The following SLC9A6 variants were observed in gnomAD, a reference collection of about 807,000 sequenced individuals.
SLC9A6 encodes sodium/hydrogen exchanger 6.
SLC9A6 carries 6 observed loss-of-function variants against 45.3 expected under a neutral mutation model. The ratio of observed to expected loss-of-function variants is 0.13; its 90% CI spans 0.07 to 0.26. SLC9A6 has a LOEUF of 0.26. Ranked by LOEUF, SLC9A6 falls within the 10% of genes least tolerant of loss-of-function variation. The pLI is 1.00. For synonymous variants in SLC9A6, 191 were observed against 187.7 expected, an observed-to-expected ratio of 1.02 and a Z score of -0.14; for missense variants, 278 against 503.7, an observed-to-expected ratio of 0.55 and a Z score of 4.29.
intron 15 of SLC9A6, chrX:136,033,177 T>A (rs2071357330): frequency 4.1e-6 from 1 of 243,677 alleles, no homozygotes; most frequent in Non-Finnish European, 7.6e-6. Flanking sequence ...ATTGATTTTT[T>A]AAGTGAGAGT....
chrX:135,999,065 A>G, intron 6 of SLC9A6, 97 bp downstream of exon 6: 1 of 584,239 alleles, frequency 1.7e-6, no homozygotes, highest in Non-Finnish European at 3.0e-6. Context: ...AGAATTCATG[A>G]TTAGATACTT....
At chrX:135,997,398 C>CTT (rs1180028983) in intron 3 of SLC9A6, among the ~76,000 whole-genome samples, 77 of 63,295 alleles carry the variant, frequency 1.2e-3, no homozygotes, top group Non-Finnish European at 1.7e-3. Context: ...CATGCTTTCT[C>CTT]TTTTTTTTTT....
chrX:136,024,494 A>G lies in SLC9A6; in HGVS notation c.1460+11A>G. 2.5e-6 allele frequency: 3 copies of G among 1,186,983 alleles called. No homozygotes were observed. The African/African-American group carries it at 5.2e-5, about 21-fold the overall frequency. On this transcript the variant is annotated intron_variant, in intron 13 of 17. Transcript: ENST00000630721. ...ATGCTTGCATATCAGGTAAGTACTA[A>G]CTAGAGACCTCATTTTAAGATTAAA... is the stretch of plus-strand genomic sequence containing the variant.
Position 136,017,995 on chromosome X carries a change from C to T in SLC9A6, c.1194+1237C>T, listed in dbSNP as rs1049694852. Among the ~76,000 whole-genome samples, 8 of 111,737 alleles carry T rather than the reference C, an allele frequency of 7.2e-5. 1 individual carries two copies. Among genetic ancestry groups the T allele is most frequent in the Non-Finnish European group, 1.3e-4 (7 of 53,231 alleles). ...CTCCATAGGGCAGCTTACAACATGG[C>T]TTCTTCCCCCAAACTGAGTGAGCTG... On this transcript the variant is annotated intron_variant, in intron 11 of 17. Transcript: ENST00000630721.
At chrX:135,976,873 C>T (rs191257239) in intron 1 of SLC9A6, among the ~76,000 whole-genome samples, 2 of 111,800 alleles carry the variant, frequency 1.8e-5, no homozygotes, top group Non-Finnish European at 1.9e-5. Context: ...TCTTTTTTTA[C>T]CTCTTTACCC....
intron 8 of SLC9A6, among the ~76,000 whole-genome samples, chrX:136,012,314 A>T (rs1396949464): frequency 8.9e-6 from 1 of 112,295 alleles, no homozygotes; most frequent in African/African-American, 3.2e-5. Context: ...CTTCCCCATT[A>T]CAAGTTCCTT....
Position 135,976,836 on chromosome X carries a change from A to C in SLC9A6, c.-57+2053A>C, listed in dbSNP as rs138387003. ...CCAGATATTGAGTTTTGTTTTCTCT[A>C]TTGCCCTCTTAAGATGCATTTCTCA... On this transcript the variant is annotated intron_variant, in intron 1 of 16. Transcript: ENST00000636092. Among the ~76,000 whole-genome samples the C allele has an allele frequency of 3.8e-4, 43 of 111,808 alleles. No homozygotes were observed. In the East Asian group the frequency reaches 9.8e-3, roughly 25 times the overall value.
At chrX:135,999,462 A>T (rs1325958346) in intron 6 of SLC9A6, among the ~76,000 whole-genome samples, 1 of 111,964 alleles carries the variant, frequency 8.9e-6, no homozygotes, top group Non-Finnish European at 1.9e-5. Flanking sequence ...TACAGGTTTG[A>T]TTTGGAGTCA....
chrX:135,991,071 G>T (rs1412460699), intron 2 of SLC9A6, among the ~76,000 whole-genome samples: 2 of 111,581 alleles, frequency 1.8e-5, no homozygotes, highest in African/African-American at 6.5e-5. Context: ...GTTTTTGGAG[G>T]TGAGATATTT....
intron 2 of SLC9A6, among the ~76,000 whole-genome samples, chrX:135,992,331 T>C (rs782018664): frequency 8.9e-6 from 1 of 112,115 alleles, no homozygotes; most frequent in East Asian, 2.8e-4. Flanking sequence ...ACCTAAACTC[T>C]TATTGCCTGA....
intron 8 of SLC9A6, among the ~76,000 whole-genome samples, chrX:136,011,150 T>C (rs1333514094): frequency 8.9e-6 from 1 of 112,660 alleles, no homozygotes; most frequent in Admixed American, 9.4e-5. Flanking sequence ...AAAGGCCATT[T>C]TATCCCGGAC....
chrX:136,024,868 G>A (rs1466175135), intron 13 of SLC9A6, among the ~76,000 whole-genome samples: 1 of 111,447 alleles, frequency 9.0e-6, no homozygotes, highest in African/African-American at 3.3e-5. Flanking sequence ...TTGGACTTTT[G>A]TATTGTTTCT....
chrX:135,997,058 G>A (rs1489112229), intron 3 of SLC9A6, among the ~76,000 whole-genome samples: 1 of 103,627 alleles, frequency 9.6e-6, no homozygotes, highest in African/African-American at 3.6e-5. Context: ...GAGCCACCAC[G>A]CCTGGCCTCA....
chrX:136,015,778 T>C (rs6635210), intron 10 of SLC9A6, among the ~76,000 whole-genome samples: 9,391 of 111,426 alleles, frequency 0.084, 484 homozygotes, highest in African/African-American at 0.19. Context: ...GATTAACTAA[T>C]TTGCCCAAAG....
Position 135,998,940 on chromosome X carries a change from T to C in SLC9A6, c.609T>C (p.Phe203=). Reference sequence around the variant, plus strand: ...TTTACTTTACAGATTGCCTACTGTTTGGTGCCATTGTATCAGCAACTGATC... The same window carrying C: ...TTTACTTTACAGATTGCCTACTGTTCGGTGCCATTGTATCAGCAACTGATC... ...GDFYFTDCLL[F]GAIVSATDPV... Residue 203 remains phenylalanine (F), a synonymous_variant, in exon 6 of 18, where the codon TTT becomes TTC. Coordinates refer to ENST00000630721, the MANE Select transcript of SLC9A6 (RefSeq NM_001379110.1). 1.7e-6 allele frequency: 2 copies of C among 1,196,968 alleles called. No homozygotes were observed. The highest frequency in any genetic ancestry group is 3.5e-5 in the South Asian group (2 of 56,643).
rs189413659 is a variant in SLC9A6 at position 135,974,905 on chromosome X, C to G, written c.-57+122C>G. Reference sequence around the variant, plus strand: ...AAATTTTAAAATGCTAATAACGCAGCCTTCTTGCCTTGTCTCTATCTCTGA... The same window carrying G: ...AAATTTTAAAATGCTAATAACGCAGGCTTCTTGCCTTGTCTCTATCTCTGA... On this transcript the variant is annotated intron_variant, in intron 1 of 16. Transcript: ENST00000636092. The G allele has an allele frequency of 7.9e-4, 204 of 256,782 alleles. 1 individual carries two copies. The East Asian group carries it at 0.021, about 27-fold the overall frequency. 21.2% of individuals were successfully genotyped at this position (256,782 alleles called of 1,213,427 possible).
chrX:136,033,954 C>T (rs782343786), intron 16 of SLC9A6, among the ~76,000 whole-genome samples: 4 of 111,331 alleles, frequency 3.6e-5, no homozygotes, highest in Non-Finnish European at 1.9e-5. Context: ...TTTTTTTTCC[C>T]CTGACCTTTC....
At chrX:136,024,940 TG>T (rs2071201340) in intron 13 of SLC9A6, among the ~76,000 whole-genome samples, 1 of 112,317 alleles carries the variant, frequency 8.9e-6, no homozygotes, top group Admixed American at 9.5e-5. Context: ...GTTAACGATG[TG>T]AACATTCTTA....
At position 136,010,387 on chromosome X, in the gene SLC9A6, G is replaced by GT. The variant is rs200585663; in HGVS notation, c.744-48dup. 2.6e-3 allele frequency: 3,050 copies of GT among 1,168,724 alleles called. 40 individuals carry two copies. The African/African-American group carries it at 0.045, about 17-fold the overall frequency. On this transcript the variant is annotated intron_variant, in intron 7 of 17. Coordinates refer to ENST00000630721, the MANE Select transcript of SLC9A6 (RefSeq NM_001379110.1). ...TCTTTCAAGCTCTATACTACATAAT[G>GT]TTTTTTTAAAAGTAAAGGTTGTTTT... is the stretch of plus-strand genomic sequence containing the variant.
Sources: gnomAD v4.1 joint callset for allele counts (sites outside exome capture counted in the v4.1 genomes callset) on GRCh38, gnomAD v4.1.1 for gene constraint, MANE v1.5 for transcripts, NCBI Gene and HGNC (gene_info 2026-07-23, HGNC 2026-07-21) for gene names.